The following CRISPLD2 variants were observed in gnomAD, a reference collection of about 807,000 sequenced individuals.
CRISPLD2 encodes cysteine-rich secretory protein LCCL domain-containing 2.
A neutral mutation model predicts 71.1 loss-of-function variants in CRISPLD2; 47 were observed. The ratio of observed to expected loss-of-function variants is 0.66; its 90% CI spans 0.52 to 0.84. CRISPLD2 has a LOEUF of 0.84. Ranked by LOEUF, CRISPLD2 falls within the 40% of genes least tolerant of loss-of-function variation. The pLI is 0.00. For missense variants in CRISPLD2, 830 were observed against 651.1 expected (o/e 1.27, Z -2.99); for synonymous variants, 317 against 250.1 (o/e 1.27, Z -2.52).
At position 84,849,450 on chromosome 16, in the gene CRISPLD2, A is replaced by T. The variant is rs764209964; in HGVS notation, c.425A>T (p.Tyr142Phe). Residue 142 changes from tyrosine to phenylalanine, a missense_variant, in exon 4 of 15, where the codon TAC becomes TTC. By Grantham distance (22) the Tyr-to-Phe change is conservative. Transcript: ENST00000262424. ...YDEVKDYTYP[Y>F]PSECNPWCPE... ...GAGGTGAAGGACTACACCTACCCCT[A>T]CCCGAGCGAGTGCAACCCCTGGTGT... The T allele has an allele frequency of 6.2e-7, 1 of 1,613,966 alleles. No homozygotes were observed. Among genetic ancestry groups the T allele is most frequent in the African/African-American group, 1.3e-5 (1 of 74,896 alleles).
chr16:84,822,295 C>A (rs913909976), intron 1 of CRISPLD2, among the ~76,000 whole-genome samples: 1 of 152,246 alleles, frequency 6.6e-6, no homozygotes, highest in South Asian at 2.1e-4. Flanking sequence ...ACTGCGAGGT[C>A]TCTTAAAACC....
At chr16:84,854,968 C>A in intron 6 of CRISPLD2, 139 bp downstream of exon 6, 2 of 689,460 alleles carry the variant, frequency 2.9e-6, no homozygotes, top group South Asian at 1.7e-5. Flanking sequence ...GCACATTCCT[C>A]CCGCCTCCGT....
chr16:84,838,826 G>GC, intron 2 of CRISPLD2, 91 bp downstream of exon 2: 2 of 1,485,546 alleles, frequency 1.3e-6, no homozygotes, highest in Non-Finnish European at 1.8e-6. Context: ...CTGTTCCCCA[G>GC]CCAGTGCGTG....
chr16:84,874,717 A>G (rs767072879), intron 11 of CRISPLD2, among the ~76,000 whole-genome samples: 9 of 152,216 alleles, frequency 5.9e-5, no homozygotes, highest in Non-Finnish European at 1.2e-4. Flanking sequence ...TCTTATTGCA[A>G]AAAGAATGCC....
At chr16:84,887,648 G>A (rs755922304) in intron 13 of CRISPLD2, among the ~76,000 whole-genome samples, 3 of 152,330 alleles carry the variant, frequency 2.0e-5, no homozygotes, top group Non-Finnish European at 4.4e-5. Context: ...AGGCCGAGGC[G>A]TGTGGATCAC....
chr16:84,881,846 T>C (rs2071571228), intron 13 of CRISPLD2, among the ~76,000 whole-genome samples: 1 of 152,116 alleles, frequency 6.6e-6, no homozygotes, highest in African/African-American at 2.4e-5. Context: ...TTCCCCGCCA[T>C]CATCTTTGCC....
chr16:84,870,042 G>A (rs2071452371), intron 8 of CRISPLD2, among the ~76,000 whole-genome samples: 1 of 152,188 alleles, frequency 6.6e-6, no homozygotes, highest in Non-Finnish European at 1.5e-5. Context: ...GCCACTGTGG[G>A]AGCATCCTCA....
chr16:84,889,752 T>TTGTGTGTGTGTG (rs60555979), intron 14 of CRISPLD2, among the ~76,000 whole-genome samples: 8 of 139,214 alleles, frequency 5.7e-5, no homozygotes, highest in South Asian at 4.7e-4. Flanking sequence ...TTGTTTTTCT[T>TTGTGTGTGTGTG]TGTGTGTGTG....
At chr16:84,904,653 A>G (rs1205395760) in intron 14 of CRISPLD2, among the ~76,000 whole-genome samples, 1 of 152,180 alleles carries the variant, frequency 6.6e-6, no homozygotes. Context: ...CATAAAATAA[A>G]TCATCACACT....
chr16:84,850,668 G>A lies in CRISPLD2; in HGVS notation c.593G>A (p.Cys198Tyr). ...TGGGAGAACGCGGTCTACTTTGTCT[G>A]CAATTATTCTCCAAAGTAAGACAAG... ...EVWENAVYFVCNYSPKGNWIG... is the reference protein window; with the variant it reads ...EVWENAVYFVYNYSPKGNWIG... Residue 198 changes from cysteine to tyrosine, a missense_variant, in exon 5 of 15, where the codon TGC (cysteine) becomes TAC (tyrosine). Coordinates refer to ENST00000262424, the MANE Select transcript of CRISPLD2 (RefSeq NM_031476.4). The A allele has an allele frequency of 1.9e-6, 3 of 1,613,716 alleles. No homozygotes were observed. The highest frequency in any genetic ancestry group is 2.5e-6 in the Non-Finnish European group (3 of 1,179,644).
chr16:84,876,583 A>G (rs959615170), intron 11 of CRISPLD2, among the ~76,000 whole-genome samples: 12 of 152,078 alleles, frequency 7.9e-5, no homozygotes. Context: ...ACCTGAGGTC[A>G]GGAGTTCGAG....
intron 14 of CRISPLD2, among the ~76,000 whole-genome samples, chr16:84,903,452 T>C (rs1185858354): frequency 6.6e-6 from 1 of 151,738 alleles, no homozygotes; most frequent in Non-Finnish European, 1.5e-5. Context: ...ATTAGCTGGG[T>C]GTGGTGGCGC....
At chr16:84,849,204 A>C in intron 3 of CRISPLD2, 181 bp from the exon 4 acceptor site, 2 of 586,660 alleles carry the variant, frequency 3.4e-6, no homozygotes, top group Non-Finnish European at 6.0e-6. Flanking sequence ...CTGCTCCTGG[A>C]ATTGGGGGCT....
Position 84,868,893 on chromosome 16 carries a change from A to C in CRISPLD2, c.896A>C (p.Lys299Thr). 1 of 1,608,302 alleles carries C rather than the reference A, an allele frequency of 6.2e-7. No individual in the cohort carries two copies. Among genetic ancestry groups the C allele is most frequent in the Non-Finnish European group, 8.5e-7 (1 of 1,177,520 alleles). Residue 299 changes from lysine (K) to threonine (T), a missense_variant, in exon 8 of 15, where the codon AAA becomes ACA. Lys to Thr is a moderately conservative substitution (Grantham distance 78, BLOSUM62 -1). Transcript: ENST00000262424. ...RCDTKMKDRC[K>T]GSTCNRYQCP... ...GACACCAAGATGAAGGACAGGTGCA[A>C]AGGGTCCACGTGTAACAGGTGAGCC...
At chr16:84,903,697 C>T (rs1406227915) in intron 14 of CRISPLD2, among the ~76,000 whole-genome samples, 2 of 152,014 alleles carry the variant, frequency 1.3e-5, no homozygotes, top group Admixed American at 6.6e-5. Context: ...AGACATGCTC[C>T]AGAGGTGAGA....
intron 1 of CRISPLD2, among the ~76,000 whole-genome samples, chr16:84,830,569 G>A (rs1597445788): frequency 6.6e-6 from 1 of 152,174 alleles, no homozygotes; most frequent in East Asian, 1.9e-4. Context: ...CAGGCGTGGT[G>A]GCATGCACCT....
At chr16:84,841,446 C>T (rs1197130602) in intron 2 of CRISPLD2, among the ~76,000 whole-genome samples, 1 of 151,992 alleles carries the variant, frequency 6.6e-6, no homozygotes, top group African/African-American at 2.4e-5. Flanking sequence ...GAGAGGCAGG[C>T]AGGGGCAAAT....
intron 1 of CRISPLD2, among the ~76,000 whole-genome samples, chr16:84,834,417 G>A (rs764418438): frequency 3.9e-5 from 6 of 152,240 alleles, no homozygotes; most frequent in Non-Finnish European, 7.3e-5. Context: ...CAGAAGTGAG[G>A]GTAGAATGGG....
At chr16:84,840,673 A>AT (rs1166046885) in intron 2 of CRISPLD2, among the ~76,000 whole-genome samples, 32 of 151,960 alleles carry the variant, frequency 2.1e-4, no homozygotes, top group African/African-American at 7.7e-4. Context: ...CGCCAGGCTA[A>AT]TTTTTTGTAT....
Sources: gnomAD v4.1 joint callset for allele counts (sites outside exome capture counted in the v4.1 genomes callset) on GRCh38, gnomAD v4.1.1 for gene constraint, MANE v1.5 for transcripts, NCBI Gene and HGNC (gene_info 2026-07-23, HGNC 2026-07-21) for gene names.